Variants in DGKG observed in about 807,000 individuals in gnomAD.
DGKG encodes DAG kinase gamma.
In DGKG, 78 loss-of-function variants were observed where a neutral mutation model predicts 105.3. That is an observed-to-expected ratio of 0.74 (90% CI 0.62 to 0.89). The LOEUF (loss-of-function observed/expected upper bound fraction) is 0.89, where lower values mean the gene tolerates loss of function less well. Ranked by LOEUF, DGKG falls within the 40% of genes least tolerant of loss-of-function variation. The probability of loss-of-function intolerance (pLI) is 0.00; values close to 1 mark genes in which losing one functional copy is unlikely to be tolerated. For missense variants in DGKG, 958 were observed against 1,020.1 expected, an observed-to-expected ratio of 0.94 and a Z score of 0.83; for synonymous variants, 346 against 367.1, an observed-to-expected ratio of 0.94 and a Z score of 0.66.
intron 20 of DGKG, among the ~76,000 whole-genome samples, chr3:186,227,124 T>G (rs1719895374): frequency 1.3e-5 from 2 of 152,098 alleles, no homozygotes; most frequent in Non-Finnish European, 2.9e-5. Flanking sequence ...AAATCTAAAG[T>G]CCCATCCAAA....
At chr3:186,162,665 G>A (rs930554760) in intron 23 of DGKG, among the ~76,000 whole-genome samples, 10 of 152,080 alleles carry the variant, frequency 6.6e-5, no homozygotes, top group South Asian at 2.1e-4. Context: ...TCAGCCTCCC[G>A]AGTAACTGGG....
chr3:186,245,565 C>T lies in DGKG; in HGVS notation c.1762-2997G>A, dbSNP rs201258298. 9.2e-5 allele frequency among the ~76,000 whole-genome samples: 14 copies of T among 152,306 alleles called. No individual in the cohort carries two copies. The East Asian group carries it at 2.3e-3, about 25-fold the overall frequency. ...TTTCTTGATGATAATTAAGGCAAAGCGAGACTTCTGTTCTGAAGGCAGGAG... is the reference window on the plus strand; with the variant it reads ...TTTCTTGATGATAATTAAGGCAAAGTGAGACTTCTGTTCTGAAGGCAGGAG... On this transcript the variant is annotated intron_variant, in intron 19 of 24. Transcript: ENST00000265022.
In DGKG at chr3:186,148,234, C is replaced by T. The variant is rs1425720108; in HGVS notation, c.*1856G>A. The stretch of plus-strand genomic sequence containing the variant: ...AAGCCCACTGAGCTCTGCTGAGACC[C>T]CTCTGTCCTGGCTGGCAGTATCTTG... On this transcript the variant is annotated 3_prime_UTR_variant, in exon 25 of 25. Transcript: ENST00000265022. 2.0e-6 allele frequency: 2 copies of T among 985,366 alleles called. No homozygotes were observed. Among genetic ancestry groups the T allele is most frequent in the Non-Finnish European group, 2.4e-6 (2 of 829,976 alleles). The allele number at this position is 985,366 out of a possible 1,614,324, so 61.0% of individuals were successfully genotyped here.
intron 21 of DGKG, among the ~76,000 whole-genome samples, chr3:186,208,547 C>T (rs991299792): frequency 2.0e-5 from 3 of 152,172 alleles, no homozygotes; most frequent in East Asian, 1.9e-4. Flanking sequence ...TTCCCTCAAC[C>T]GTAAAGTGAG....
rs114457568 is a variant in DGKG, at chr3:186,350,142, G to A, written c.-249+11804C>T. On this transcript the variant is annotated intron_variant, in intron 1 of 24. Coordinates refer to ENST00000265022, the MANE Select transcript of DGKG (RefSeq NM_001346.3). ...TGACCTCTGGTGATCCATCTGCATC[G>A]GCCTCCAAAAGTGCTGGGATTATAG... Among the ~76,000 whole-genome samples, 562 of 152,042 alleles carry A rather than the reference G, an allele frequency of 3.7e-3. 2 individuals are homozygous for A. The highest frequency in any genetic ancestry group is 0.013 in the African/African-American group (526 of 41,474).
Position 186,148,608 on chromosome 3 carries a change from T to A in DGKG, c.*1482A>T, listed in dbSNP as rs1399740026. 1 of 985,278 alleles carries A rather than the reference T, an allele frequency of 1.0e-6. No homozygotes were observed. Among genetic ancestry groups the A allele is most frequent in the African/African-American group, 1.7e-5 (1 of 57,226 alleles). The allele number at this position is 985,278 out of a possible 1,614,324, so 61.0% of individuals were successfully genotyped here. On this transcript the variant is annotated 3_prime_UTR_variant, in exon 25 of 25. Transcript: ENST00000265022. ...TGTGGGTTCTTTTCTCCATTAAATATCTTTGTAACGGCACCTACTCTCAAG... is the reference window on the plus strand; with the variant it reads ...TGTGGGTTCTTTTCTCCATTAAATAACTTTGTAACGGCACCTACTCTCAAG...
intron 23 of DGKG, among the ~76,000 whole-genome samples, chr3:186,162,837 T>C (rs1280992277): frequency 2.0e-5 from 3 of 151,910 alleles, no homozygotes; most frequent in Admixed American, 2.0e-4. Flanking sequence ...CCACCGCGCC[T>C]GGCCCAACCT....
chr3:186,148,664 TC>T lies in DGKG; in HGVS notation c.*1425del. On this transcript the variant is annotated 3_prime_UTR_variant, in exon 25 of 25. Coordinates refer to ENST00000265022, the MANE Select transcript of DGKG (RefSeq NM_001346.3). The stretch of plus-strand genomic sequence containing the variant: ...TTAGCCAAGACACCATGGAAAAGTC[TC>T]TGAACTTTTCTGAGACTCAATTTTC... 2 of 985,026 alleles carry T rather than the reference TC, an allele frequency of 2.0e-6. No individual in the cohort carries two copies. The highest frequency in any genetic ancestry group is 2.4e-6 in the Non-Finnish European group (2 of 829,596). The allele number at this position is 985,026 out of a possible 1,614,324, so 61.0% of individuals were successfully genotyped here. A position where few individuals can be genotyped will look rare whatever the true frequency, so the allele number is the denominator to read the frequency against.
chr3:186,317,125 A>T (rs1195245345), intron 2 of DGKG, among the ~76,000 whole-genome samples: 1 of 152,212 alleles, frequency 6.6e-6, no homozygotes, highest in Non-Finnish European at 1.5e-5. Context: ...GTTCCTTTTC[A>T]TCCCTCCGCC....
rs1044445446 is a variant in DGKG, at chr3:186,215,215, C to T, written c.1827-3330G>A. On this transcript the variant is annotated intron_variant, in intron 20 of 24. Coordinates refer to ENST00000265022, the MANE Select transcript of DGKG (RefSeq NM_001346.3). ...CACCTGAGGTCAGGAGTTCGAGACC[C>T]GCCTGGCCAACATGGTGAAACCCCA... Among the ~76,000 whole-genome samples the T allele has an allele frequency of 2.6e-5, 4 of 152,022 alleles. No homozygotes were observed. The East Asian group carries it at 5.8e-4, about 22-fold the overall frequency.
At chr3:186,171,660 C>G (rs1179341875) in intron 22 of DGKG, among the ~76,000 whole-genome samples, 5 of 152,186 alleles carry the variant, frequency 3.3e-5, no homozygotes, top group Admixed American at 6.5e-5. Flanking sequence ...AATCTTTGAT[C>G]TGCTCTTGGT....
chr3:186,259,216 G>A (rs1217274069), intron 16 of DGKG, among the ~76,000 whole-genome samples: 4 of 152,354 alleles, frequency 2.6e-5, no homozygotes, highest in African/African-American at 7.2e-5. Flanking sequence ...ATCAGCCCGG[G>A]AAGTAGCCAC....
intron 1 of DGKG, among the ~76,000 whole-genome samples, chr3:186,331,481 A>C (rs188694007): frequency 2.0e-5 from 3 of 152,372 alleles, no homozygotes; most frequent in Admixed American, 1.3e-4. Flanking sequence ...TTGGGATTGC[A>C]TTCTATCCAT....
intron 22 of DGKG, among the ~76,000 whole-genome samples, chr3:186,186,989 G>A (rs186908377): frequency 5.9e-5 from 9 of 152,392 alleles, no homozygotes; most frequent in African/African-American, 2.2e-4. Flanking sequence ...CATGGGAGCA[G>A]CCTGCTGTGT....
At chr3:186,323,840 G>T (rs1725201341) in intron 1 of DGKG, among the ~76,000 whole-genome samples, 1 of 151,646 alleles carries the variant, frequency 6.6e-6, no homozygotes, top group African/African-American at 2.4e-5. Context: ...AGGAGGCTGA[G>T]GCAGAAGAAT....
At chr3:186,308,486 C>G (rs1188445010) in intron 2 of DGKG, among the ~76,000 whole-genome samples, 1 of 151,992 alleles carries the variant, frequency 6.6e-6, no homozygotes, top group Non-Finnish European at 1.5e-5. Flanking sequence ...TTTTGTTGCC[C>G]AGGCTCTTTG....
In DGKG at chr3:186,250,337, G is replaced by C. The variant is rs568185665; in HGVS notation, c.1761+1422C>G. 2.6e-5 allele frequency among the ~76,000 whole-genome samples: 4 copies of C among 152,174 alleles called. No individual in the cohort carries two copies. In the East Asian group the frequency reaches 5.8e-4, roughly 22 times the overall value. ...CACACTGGGGCCTGTGGGGATGTTGGGGGAGGGAGAGCATCAGGAAGAAAC... is the reference window on the plus strand; with the variant it reads ...CACACTGGGGCCTGTGGGGATGTTGCGGGAGGGAGAGCATCAGGAAGAAAC... On this transcript the variant is annotated intron_variant, in intron 19 of 24. Transcript: ENST00000265022.
intron 1 of DGKG, among the ~76,000 whole-genome samples, chr3:186,352,803 T>C (rs530751683): frequency 3.9e-5 from 6 of 152,270 alleles, no homozygotes; most frequent in African/African-American, 1.4e-4. Flanking sequence ...TCACTTTCCA[T>C]CTTCTCTCCT....
chr3:186,352,968 C>A (rs1033326225), intron 1 of DGKG, among the ~76,000 whole-genome samples: 2 of 152,208 alleles, frequency 1.3e-5, no homozygotes, highest in Non-Finnish European at 1.5e-5. Flanking sequence ...GGCCCAGCTC[C>A]TGTCCACATT....
Sources: gnomAD v4.1 joint callset for allele counts (sites outside exome capture counted in the v4.1 genomes callset) on GRCh38, gnomAD v4.1.1 for gene constraint, MANE v1.5 for transcripts, NCBI Gene and HGNC (gene_info 2026-07-23, HGNC 2026-07-21) for gene names.